The following ZNF408 variants were observed in gnomAD, a reference collection of about 807,000 sequenced individuals.
ZNF408 encodes the protein zinc finger protein 408, also known as PR domain zinc finger protein 17.
ZNF408 carries 24 observed loss-of-function variants against 27.6 expected under a neutral mutation model. The ratio of observed to expected loss-of-function variants is 0.87; its 90% CI spans 0.63 to 1.22. ZNF408 has a LOEUF of 1.22. ZNF408 is among the 50% of genes most tolerant of loss of function. ZNF408 has a pLI of 0.00. For missense variants in ZNF408, 897 were observed against 949.0 expected (o/e 0.95, Z 0.72); for synonymous variants, 410 against 396.1 (o/e 1.04, Z -0.42).
At chr11:46,702,100 ATTTTTCT>A (rs2064713566) in intron 2 of ZNF408, among the ~76,000 whole-genome samples, 1 of 152,020 alleles carries the variant, frequency 6.6e-6, no homozygotes. Flanking sequence ...TATTTTATTT[ATTTTTCT>A]TTTTTCTTAG....
rs142628777 is a variant in ZNF408 at position 46,703,251 on chromosome 11, T to A, written c.652+8T>A. ...CAGCAGAACCTTGCATAGGTATGTG[T>A]CAAATAAATGCTGGTTTCCCAGCAA... On this transcript the variant is annotated splice_region_variant and intron_variant, in intron 4 of 4. Coordinates refer to ENST00000311764, the MANE Select transcript of ZNF408 (RefSeq NM_024741.3). The A allele has an allele frequency of 6.4e-5, 103 of 1,601,194 alleles. No homozygotes were observed. In the East Asian group the frequency reaches 2.3e-3, roughly 35 times the overall value.
At position 46,701,456 on chromosome 11, in the gene ZNF408, C is replaced by T. The variant is rs750969351; in HGVS notation, c.110C>T (p.Thr37Met). ...TGGAACCCTTCCGGAGAAGGCTGTA[C>T]GCAGGGCCTCAAAGACGTCCCACCC... is the stretch of plus-strand genomic sequence containing the variant. ...LGWNPSGEGC[T>M]QGLKDVPPEP... Residue 37 changes from threonine to methionine, a missense_variant, in exon 2 of 5, where the codon ACG (threonine) becomes ATG (methionine). Transcript: ENST00000311764. 1.2e-6 allele frequency: 2 copies of T among 1,613,972 alleles called. No homozygotes were observed. Among genetic ancestry groups the T allele is most frequent in the Non-Finnish European group, 8.5e-7 (1 of 1,180,014 alleles).
intron 4 of ZNF408, 27 bp downstream of exon 4, chr11:46,703,270 C>T (rs369951169): frequency 3.1e-6 from 5 of 1,587,976 alleles, no homozygotes; most frequent in South Asian, 2.3e-5. Context: ...TGCTGGTTTC[C>T]CAGCAATTTC....
intron 4 of ZNF408, among the ~76,000 whole-genome samples, chr11:46,703,632 G>A (rs2064727069): frequency 6.6e-6 from 1 of 152,092 alleles, no homozygotes; most frequent in Non-Finnish European, 1.5e-5. Context: ...AAGAGAGTAA[G>A]CTTTGTATGT....
Position 46,703,108 on chromosome 11 carries a change from C to T in ZNF408, c.517C>T (p.Pro173Ser). 6.2e-7 allele frequency: 1 copy of T among 1,612,398 alleles called. No individual in the cohort carries two copies. The highest frequency in any genetic ancestry group is 8.5e-7 in the Non-Finnish European group (1 of 1,179,356). The change falls in exon 4 of 5, where the codon CCT becomes TCT. Residue 173 changes from proline (P) to serine (S), a missense_variant. Transcript: ENST00000311764. ...PGSELLLWPQ[P>S]SSEGPSLTQP... ...CTCTGAACTGCTGCTGTGGCCCCAG[C>T]CTTCCTCTGAGGGCCCAAGTCTCAC... is the stretch of plus-strand genomic sequence containing the variant.
chr11:46,702,566 A>T, intron 2 of ZNF408, 138 bp from the exon 3 acceptor site: 1 of 808,628 alleles, frequency 1.2e-6, no homozygotes, highest in South Asian at 1.7e-5. Context: ...CTGTCCTGTT[A>T]GAGGAGAACC....
In ZNF408 at chr11:46,704,718, C is replaced by T. The variant is rs2064737780; in HGVS notation, c.1018C>T (p.Pro340Ser). ...CTTCCCTACACTCTCGCGGAGCCCT[C>T]CTGGCCCAGCAGGAAGCTCCCCAAA... ...SGFPTLSRSP[P>S]GPAGSSPKQG... is the part of the protein sequence containing the mutation. Residue 340 changes from proline (P) to serine (S), a missense_variant, in exon 5 of 5, where the codon CCT (proline) becomes TCT (serine). Transcript: ENST00000311764. 4 of 1,603,644 alleles carry T rather than the reference C, an allele frequency of 2.5e-6. No homozygotes were observed. The African/African-American group carries it at 4.0e-5, about 16-fold the overall frequency.
At position 46,701,614 on chromosome 11, in the gene ZNF408, C is replaced by T. The variant is rs774928046; in HGVS notation, c.268C>T (p.Pro90Ser). ...DPLQPGLLWG[P>S]LEEESASKEK... Reference sequence around the variant, plus strand: ...CCTGCAGCCCGGCCTGCTGTGGGGGCCGCTGGAAGAGGAGTCTGCCTCCAA... The same window carrying T: ...CCTGCAGCCCGGCCTGCTGTGGGGGTCGCTGGAAGAGGAGTCTGCCTCCAA... Residue 90 changes from proline to serine, a missense_variant, in exon 2 of 5, where the codon CCG becomes TCG. By Grantham distance (74) the Pro-to-Ser change is moderately conservative (BLOSUM62 -1). Transcript: ENST00000311764. 1 of 1,608,472 alleles carries T rather than the reference C, an allele frequency of 6.2e-7. No individual in the cohort carries two copies. Among genetic ancestry groups the T allele is most frequent in the Admixed American group, 1.7e-5 (1 of 59,792 alleles).
At chr11:46,702,834 G>T in intron 3 of ZNF408, 69 bp downstream of exon 3, 1 of 1,604,488 alleles carries the variant, frequency 6.2e-7, no homozygotes, top group South Asian at 1.1e-5. Flanking sequence ...ACCCGGTGCT[G>T]ACTGTCATTT....
At position 46,704,761 on chromosome 11, in the gene ZNF408, G is replaced by T; in HGVS notation, c.1061G>T (p.Arg354Leu). 1 of 1,597,040 alleles carries T rather than the reference G, an allele frequency of 6.3e-7. No individual in the cohort carries two copies. The highest frequency in any genetic ancestry group is 8.5e-7 in the Non-Finnish European group (1 of 1,171,530). The part of the protein sequence containing the change: ...GSSPKQGRRY[R>L]CGECGKAFLQ... ...TCCCCAAAGCAGGGGCGACGGTACC[G>T]GTGTGGAGAGTGTGGCAAGGCATTC... The change falls in exon 5 of 5, where the codon CGG (arginine) becomes CTG (leucine). Residue 354 changes from arginine to leucine, a missense_variant. Transcript: ENST00000311764.
rs138812940 is a variant in ZNF408 at position 46,704,514 on chromosome 11, C to T, written c.814C>T (p.Pro272Ser). ...DEECPAQAQM[P>S]PELQSNSATQ... ...GGAATGCCCGGCCCAGGCACAGATG[C>T]CACCTGAACTTCAGAGCAATTCGGC... The change falls in exon 5 of 5, where the codon CCA becomes TCA. Residue 272 changes from proline (P) to serine (S), a missense_variant. Transcript: ENST00000311764. 1.7e-5 allele frequency: 27 copies of T among 1,613,926 alleles called. No individual in the cohort carries two copies. The highest frequency in any genetic ancestry group is 1.6e-4 in the Middle Eastern group (1 of 6,084).
chr11:46,701,672 A>G lies in ZNF408; in HGVS notation c.326A>G (p.Glu109Gly), dbSNP rs1592397666. The G allele has an allele frequency of 1.9e-6, 3 of 1,574,770 alleles. No individual in the cohort carries two copies. The highest frequency in any genetic ancestry group is 2.6e-6 in the Non-Finnish European group (3 of 1,156,914). Reference protein sequence around the residue: ...EKGEGVKPRQEENLSLGPWGD... With the variant: ...EKGEGVKPRQGENLSLGPWGD... ...GGCGAGGGAGTAAAGCCACGGCAGG[A>G]GGAGGTATTGAAGGATAGAGCGACT... is the stretch of plus-strand genomic sequence containing the variant. Residue 109 changes from glutamate to glycine, a missense_variant, in exon 2 of 5, where the codon GAG (glutamate) becomes GGG (glycine). Physicochemically the swap from Glu to Gly is moderately conservative, Grantham distance 98. Coordinates refer to ENST00000311764, the MANE Select transcript of ZNF408 (RefSeq NM_024741.3).
In ZNF408 at chr11:46,701,544, AC is replaced by A. The variant is rs756439363; in HGVS notation, c.199del (p.Leu67SerfsTer38). The A allele has an allele frequency of 1.2e-6, 2 of 1,613,004 alleles. No homozygotes were observed. The highest frequency in any genetic ancestry group is 1.7e-6 in the Non-Finnish European group (2 of 1,179,872). On this transcript the variant is annotated frameshift_variant, in exon 2 of 5. Transcript: ENST00000311764. LOFTEE classifies it high-confidence loss of function. ...CCCGGGGCTTGGCCCTTGGCCCCTC[AC>A]TCGCCAAGGAACAGCGCTTGGGGGT... Reference protein sequence around the residue: ...LPRGLALGPSLAKEQRLGVWC... With the variant: ...LPRGLALGPSXAKEQRLGVWC...
In ZNF408 at chr11:46,704,757, T is replaced by C. The variant is rs756330969; in HGVS notation, c.1057T>C (p.Tyr353His). ...AAGCTCCCCAAAGCAGGGGCGACGGTACCGGTGTGGAGAGTGTGGCAAGGC... is the reference window on the plus strand; with the variant it reads ...AAGCTCCCCAAAGCAGGGGCGACGGCACCGGTGTGGAGAGTGTGGCAAGGC... ...AGSSPKQGRR[Y>H]RCGECGKAFL... The change falls in exon 5 of 5, where the codon TAC becomes CAC. Residue 353 changes from tyrosine (Y) to histidine (H), a missense_variant. Transcript: ENST00000311764. 1 of 1,596,402 alleles carries C rather than the reference T, an allele frequency of 6.3e-7. No homozygotes were observed. Among genetic ancestry groups the C allele is most frequent in the Non-Finnish European group, 8.5e-7 (1 of 1,171,846 alleles).
At position 46,704,454 on chromosome 11, in the gene ZNF408, C is replaced by T. The variant is rs748056126; in HGVS notation, c.754C>T (p.Leu252Phe). The T allele has an allele frequency of 1.9e-6, 3 of 1,614,192 alleles. No individual in the cohort carries two copies. Among genetic ancestry groups the T allele is most frequent in the Admixed American group, 1.7e-5 (1 of 60,022 alleles). The change falls in exon 5 of 5, where the codon CTT (leucine) becomes TTT (phenylalanine). Residue 252 changes from leucine (L) to phenylalanine (F), a missense_variant. Coordinates refer to ENST00000311764, the MANE Select transcript of ZNF408 (RefSeq NM_024741.3). ...QDRISKDSQPLGPLLQDGDVD... is the reference protein window; with the variant it reads ...QDRISKDSQPFGPLLQDGDVD... ...CCGAATTTCCAAGGATAGCCAGCCA[C>T]TTGGCCCATTGCTTCAGGATGGCGA...
rs1348338432 is a variant in ZNF408 at position 46,705,862 on chromosome 11, G to C, written c.2162G>C (p.Ter721SerextTer?). ...GTGGTGGAGGTGGAGATGGGCACCTGACAGCTTTGCCTTTTGCTGACACAG... is the reference window on the plus strand; with the variant it reads ...GTGGTGGAGGTGGAGATGGGCACCTCACAGCTTTGCCTTTTGCTGACACAG... ...AEVVEVEMGT[*>S] Residue 721 changes from the stop codon to serine, a stop_lost, in exon 5 of 5, where the codon TGA (stop) becomes TCA (serine). Coordinates refer to ENST00000311764, the MANE Select transcript of ZNF408 (RefSeq NM_024741.3). This position sits in a 1 kb window ranked among gnomAD's most constrained non-coding sequence, Gnocchi z 6.5. 1.2e-6 allele frequency: 2 copies of C among 1,609,656 alleles called. No individual in the cohort carries two copies. Among genetic ancestry groups the C allele is most frequent in the East Asian group, 4.5e-5 (2 of 44,814 alleles).
intron 2 of ZNF408, chr11:46,701,906 A>C: frequency 2.2e-6 from 1 of 446,010 alleles, no homozygotes; most frequent in Non-Finnish European, 3.8e-6. Flanking sequence ...GAGGAAGGTC[A>C]AGAGCTAAGG....
rs2064742730 is a variant in ZNF408, at chr11:46,705,231, C to A, written c.1531C>A (p.Leu511Met). 5 of 1,612,006 alleles carry A rather than the reference C, an allele frequency of 3.1e-6. No individual in the cohort carries two copies. Among genetic ancestry groups the A allele is most frequent in the African/African-American group, 1.3e-5 (1 of 74,946 alleles). The change falls in exon 5 of 5, where the codon CTG becomes ATG. Residue 511 changes from leucine (L) to methionine (M), a missense_variant. Physicochemically the swap from Leu to Met is conservative, Grantham distance 15. Coordinates refer to ENST00000311764, the MANE Select transcript of ZNF408 (RefSeq NM_024741.3). This position sits in a 1 kb window ranked among gnomAD's most constrained non-coding sequence, Gnocchi z 6.5. ...CGRAFRQRGN[L>M]RGHLRLHTGE... ...CCGGGCGTTTCGTCAGCGGGGCAAC[C>A]TGCGTGGGCATTTGCGGCTCCACAC...
chr11:46,704,635 C>G lies in ZNF408; in HGVS notation c.935C>G (p.Pro312Arg). ...HGYLAKKLHS[P>R]SDQCPPRAKT... ...TACCTGGCCAAGAAGTTACACAGCC[C>G]CAGTGATCAGTGCCCACCCAGAGCA... Residue 312 changes from proline (P) to arginine (R), a missense_variant, in exon 5 of 5, where the codon CCC becomes CGC. By Grantham distance (103) the Pro-to-Arg change is moderately radical (BLOSUM62 -2). Transcript: ENST00000311764. 1 of 1,613,976 alleles carries G rather than the reference C, an allele frequency of 6.2e-7. No homozygotes were observed.
Sources: gnomAD v4.1 joint callset for allele counts (sites outside exome capture counted in the v4.1 genomes callset) on GRCh38, gnomAD v4.1.1 for gene constraint, Gnocchi (gnomAD v3.1) non-coding constraint, MANE v1.5 for transcripts, NCBI Gene and HGNC (gene_info 2026-07-23, HGNC 2026-07-21) for gene names.